The following EXD3 variants were observed in gnomAD, a reference collection of about 807,000 sequenced individuals.
EXD3 encodes the protein exonuclease 3'-5' domain containing 3.
In EXD3, 92 loss-of-function variants were observed where a neutral mutation model predicts 98.0. The ratio of observed to expected loss-of-function variants is 0.94; its 90% CI spans 0.79 to 1.12. The LOEUF is 1.12. EXD3 is among the 50% of genes most tolerant of loss of function. The pLI is 0.00. For missense variants in EXD3, 1,222 were observed against 1,191.6 expected (o/e 1.03, Z -0.38); for synonymous variants, 569 against 526.0 (o/e 1.08, Z -1.12).
At chr9:137,383,968 C>T (rs566962642) in intron 2 of EXD3, among the ~76,000 whole-genome samples, 171 of 152,304 alleles carry the variant, frequency 1.1e-3, no homozygotes, top group African/African-American at 3.9e-3. Context: ...CCAGGGGCTG[C>T]GTGGCTTGGC....
rs1588414142 is a variant in EXD3 at position 137,393,203 on chromosome 9, G to A, written c.55+2100C>T. On this transcript the variant is annotated intron_variant, in intron 2 of 21. Coordinates refer to ENST00000340951, the MANE Select transcript of EXD3 (RefSeq NM_017820.5). The surrounding 1 kb of genome is among the most constrained non-coding windows in gnomAD (Gnocchi z 4.6). The stretch of plus-strand genomic sequence containing the variant: ...CTTTGAAAACATCCCACTCTGCTTA[G>A]GTGGAGAAGAGGCTGTAGAAGCCTG... The A allele has an allele frequency of 1.4e-6, 1 of 702,750 alleles. No individual in the cohort carries two copies. The highest frequency in any genetic ancestry group is 2.4e-4 in the Middle Eastern group (1 of 4,242). The allele number at this position is 702,750 out of a possible 1,614,324, so 43.5% of individuals were successfully genotyped here.
chr9:137,323,505 C>T (rs376802568), intron 19 of EXD3, among the ~76,000 whole-genome samples: 35 of 101,894 alleles, frequency 3.4e-4, no homozygotes, highest in Non-Finnish European at 5.7e-4. Context: ...GATGATCTGC[C>T]GACACCTCAC....
chr9:137,379,368 T>G (rs1248791974), intron 3 of EXD3, among the ~76,000 whole-genome samples: 1 of 54,810 alleles, frequency 1.8e-5, no homozygotes. Context: ...CGGTGACCGT[T>G]GCCTGGGGCC....
intron 2 of EXD3, among the ~76,000 whole-genome samples, chr9:137,383,773 A>G (rs992182727): frequency 6.6e-6 from 1 of 152,144 alleles, no homozygotes; most frequent in Non-Finnish European, 1.5e-5. Flanking sequence ...CAGTCCTGGC[A>G]CCACGAGGAC....
At chr9:137,363,164 G>T (rs1240823096) in intron 7 of EXD3, among the ~76,000 whole-genome samples, 1 of 151,770 alleles carries the variant, frequency 6.6e-6, no homozygotes, top group Admixed American at 6.6e-5. Context: ...CTAATATTTT[G>T]TTTTGTATTT....
rs879377429 is a variant in EXD3 at position 137,407,935 on chromosome 9, GAGCCTCAAGCCTCCAGGGGTTTTCC to G, written c.-47-12556_-47-12532del. On this transcript the variant is annotated intron_variant, in intron 1 of 21. Transcript: ENST00000340951. This position sits in a 1 kb window ranked among gnomAD's most constrained non-coding sequence, Gnocchi z 4.4. ...CCAGGCCCCGCAGCACACAAATGCG[GAGCCTCAAGCCTCCAGGGGTTTTCC>G]AGCCTCACGCCTCCGGGGGTCTCCC... is the stretch of plus-strand genomic sequence containing the variant. 2.8e-3 allele frequency among the ~76,000 whole-genome samples: 430 copies of G among 152,298 alleles called. No homozygotes were observed. The highest frequency in any genetic ancestry group is 4.2e-3 in the Admixed American group (65 of 15,298).
Position 137,347,600 on chromosome 9 carries a change from C to T in EXD3, c.1998+471G>A, listed in dbSNP as rs118120175. The stretch of plus-strand genomic sequence containing the variant: ...TTGGGATTACAGGCGCCCGCCACTA[C>T]GCCTGGCTAATTTTTCTATTTTTGG... On this transcript the variant is annotated intron_variant, in intron 17 of 21. Coordinates refer to ENST00000340951, the MANE Select transcript of EXD3 (RefSeq NM_017820.5). The surrounding 1 kb of genome is among the most constrained non-coding windows in gnomAD (Gnocchi z 4.2). Among the ~76,000 whole-genome samples, 176 of 152,154 alleles carry T rather than the reference C, an allele frequency of 1.2e-3. 5 individuals are homozygous for T. The East Asian group carries it at 0.025, about 22-fold the overall frequency.
chr9:137,375,339 C>T (rs1402720519), intron 3 of EXD3, among the ~76,000 whole-genome samples: 2 of 152,196 alleles, frequency 1.3e-5, no homozygotes, highest in African/African-American at 4.8e-5. Flanking sequence ...TGAGTTCTAG[C>T]TCTAGTGAGT....
In EXD3 at chr9:137,403,091, C is replaced by A. The variant is rs563060282; in HGVS notation, c.-47-7687G>T. ...GGACACAGCCAAAGCATATCACCCG[C>A]CACGGGAGACCCTGTGGCTCGGCTT... On this transcript the variant is annotated intron_variant, in intron 1 of 21. Coordinates refer to ENST00000340951, the MANE Select transcript of EXD3 (RefSeq NM_017820.5). The surrounding 1 kb of genome is among the most constrained non-coding windows in gnomAD (Gnocchi z 6.1). Among the ~76,000 whole-genome samples, 2 of 152,096 alleles carry A rather than the reference C, an allele frequency of 1.3e-5. No individual in the cohort carries two copies. The highest frequency in any genetic ancestry group is 2.9e-5 in the Non-Finnish European group (2 of 68,022).
intron 1 of EXD3, among the ~76,000 whole-genome samples, chr9:137,417,624 G>A (rs537539747): frequency 1.3e-4 from 20 of 152,286 alleles, no homozygotes; most frequent in African/African-American, 4.6e-4. Context: ...CGTGGCGGCC[G>A]CAGAGGAGGA....
At chr9:137,356,407 A>G (rs1356657874) in intron 7 of EXD3, 39 bp from the exon 8 acceptor site, 1 of 1,273,540 alleles carries the variant, frequency 7.9e-7, no homozygotes, top group African/African-American at 1.5e-5. Context: ...TTGCTGTTTT[A>G]AGTTAATACA....
chr9:137,346,672 G>A (rs10117540), intron 17 of EXD3, among the ~76,000 whole-genome samples: 924 of 68,542 alleles, frequency 0.013, 20 homozygotes, highest in Non-Finnish European at 0.018. Flanking sequence ...ACAGACGGTC[G>A]GTTTCAAGGC....
At chr9:137,388,809 C>T (rs1836745636) in intron 2 of EXD3, among the ~76,000 whole-genome samples, 1 of 152,204 alleles carries the variant, frequency 6.6e-6, no homozygotes, top group South Asian at 2.1e-4. Context: ...AGCATCAGAC[C>T]CCGCGGCAGT....
In EXD3 at chr9:137,383,305, C is replaced by G; in HGVS notation, c.120+8G>C. On this transcript the variant is annotated splice_region_variant and intron_variant, in intron 3 of 21. Transcript: ENST00000340951. ...ACTTGGCACGTGGTGGCTGCCACGT[C>G]CACTCACCTGCTTCCGCTCCCGCGT... 1 of 1,548,760 alleles carries G rather than the reference C, an allele frequency of 6.5e-7. No individual in the cohort carries two copies. Among genetic ancestry groups the G allele is most frequent in the Non-Finnish European group, 8.7e-7 (1 of 1,145,564 alleles).
At chr9:137,418,728 A>G (rs908136164) in intron 1 of EXD3, among the ~76,000 whole-genome samples, 1 of 152,136 alleles carries the variant, frequency 6.6e-6, no homozygotes, top group East Asian at 1.9e-4. Flanking sequence ...TTCGTGTAGT[A>G]ATAAGAGATT....
At chr9:137,396,323 T>C (rs1837215508) in intron 1 of EXD3, among the ~76,000 whole-genome samples, 1 of 152,216 alleles carries the variant, frequency 6.6e-6, no homozygotes, top group South Asian at 2.1e-4. Flanking sequence ...GTCACCCTTC[T>C]CCTTCAGTCT....
At chr9:137,311,304 C>G (rs1287245279) in intron 19 of EXD3, among the ~76,000 whole-genome samples, 5 of 152,218 alleles carry the variant, frequency 3.3e-5, no homozygotes, top group African/African-American at 1.2e-4. Flanking sequence ...GCTTCCTGGG[C>G]AGGTGTGTGG....
At chr9:137,355,428 AGGAGGATGGAGGAAGGGAGGAT>A (rs1564507893) in intron 8 of EXD3, among the ~76,000 whole-genome samples, 4 of 119,604 alleles carry the variant, frequency 3.3e-5, no homozygotes, top group African/African-American at 1.6e-4. Context: ...GGAAGGAGGA[AGGAGGATGGAGGAAGGGAGGAT>A]GGAGGAAGGA....
At chr9:137,391,605 GC>G (rs1468448269) in intron 2 of EXD3, among the ~76,000 whole-genome samples, 10 of 149,618 alleles carry the variant, frequency 6.7e-5, no homozygotes, top group Admixed American at 6.6e-4. Flanking sequence ...GATTCCTGGA[GC>G]TGCTGCCTCT....
Sources: allele counts gnomAD v4.1 joint callset (sites outside exome capture counted in the v4.1 genomes callset), GRCh38; gene constraint gnomAD v4.1.1; non-coding constraint Gnocchi (gnomAD v3.1); transcripts MANE v1.5; gene names NCBI Gene and HGNC (gene_info 2026-07-23, HGNC 2026-07-21).